Variants in TSHZ2 observed in about 807,000 individuals in gnomAD.
The protein encoded by TSHZ2 is teashirt zinc finger homeobox 2.
A neutral mutation model predicts 74.4 loss-of-function variants in TSHZ2; 21 were observed. The observed-to-expected ratio is 0.28, with a 90% confidence interval of 0.20 to 0.41. TSHZ2 has a LOEUF of 0.41. TSHZ2 is among the 10% of genes least tolerant of loss of function. The pLI is 1.00. For missense variants in TSHZ2, 1,244 were observed against 1,293.5 expected (o/e 0.96, Z 0.59); for synonymous variants, 540 against 515.3 (o/e 1.05, Z -0.65).
intron 1 of TSHZ2, among the ~76,000 whole-genome samples, chr20:53,061,376 A>G (rs966152262): frequency 1.3e-5 from 2 of 152,192 alleles, no homozygotes; most frequent in Admixed American, 1.3e-4. Context: ...AATGCATTTG[A>G]ACTTCTGCCC....
At chr20:53,057,794 G>T (rs1984690703) in intron 1 of TSHZ2, among the ~76,000 whole-genome samples, 1 of 152,208 alleles carries the variant, frequency 6.6e-6, no homozygotes. Context: ...TGAGGTGCAG[G>T]TAAGCACGTG....
chr20:53,297,760 T>G lies in TSHZ2; in HGVS notation c.*8+41189T>G, dbSNP rs542355361. On this transcript the variant is annotated intron_variant, in intron 2 of 2. Coordinates refer to ENST00000371497, the MANE Select transcript of TSHZ2 (RefSeq NM_173485.6). Reference sequence around the variant, plus strand: ...CTTGTGTATACAATGGAGAAAGTAATAGTAACACTTCTAAGGCTGCTTGAG... The same window carrying G: ...CTTGTGTATACAATGGAGAAAGTAAGAGTAACACTTCTAAGGCTGCTTGAG... Among the ~76,000 whole-genome samples, 5 of 152,346 alleles carry G rather than the reference T, an allele frequency of 3.3e-5. No homozygotes were observed. The East Asian group carries it at 9.6e-4, about 29-fold the overall frequency.
chr20:53,453,288 A>G (rs1161977721), intron 2 of TSHZ2, among the ~76,000 whole-genome samples: 1 of 152,238 alleles, frequency 6.6e-6, no homozygotes, highest in Non-Finnish European at 1.5e-5. Flanking sequence ...GGCCTGTACA[A>G]TGAACAATTT....
intron 2 of TSHZ2, among the ~76,000 whole-genome samples, chr20:53,459,503 C>CT (rs774451927): frequency 8.9e-4 from 131 of 146,414 alleles, no homozygotes; most frequent in Non-Finnish European, 1.5e-3. Context: ...GGTCTTGACT[C>CT]TTTATCCAAT....
intron 1 of TSHZ2, among the ~76,000 whole-genome samples, chr20:53,157,559 A>G (rs1987827122): frequency 6.6e-6 from 1 of 152,064 alleles, no homozygotes; most frequent in Non-Finnish European, 1.5e-5. Flanking sequence ...GGTGCGCACT[A>G]CCATGCCACG....
chr20:53,042,504 CTAT>C (rs536686700), intron 1 of TSHZ2, among the ~76,000 whole-genome samples: 1 of 151,946 alleles, frequency 6.6e-6, no homozygotes, highest in African/African-American at 2.4e-5. Flanking sequence ...AGAGGCAGTA[CTAT>C]TATTGTTATT....
chr20:53,421,977 G>A (rs562232071), intron 2 of TSHZ2, among the ~76,000 whole-genome samples: 9 of 152,052 alleles, frequency 5.9e-5, no homozygotes, highest in South Asian at 2.1e-4. Flanking sequence ...CACCGCACCC[G>A]GCCTATCTTA....
intron 1 of TSHZ2, among the ~76,000 whole-genome samples, chr20:53,007,881 T>C (rs541213986): frequency 6.6e-6 from 1 of 152,200 alleles, no homozygotes; most frequent in South Asian, 2.1e-4. Context: ...TAAAAAATAA[T>C]AATACAACAC....
intron 1 of TSHZ2, among the ~76,000 whole-genome samples, chr20:53,063,630 T>C (rs1478388315): frequency 6.6e-6 from 1 of 152,162 alleles, no homozygotes; most frequent in Non-Finnish European, 1.5e-5. Context: ...TTTTCTTAAG[T>C]GAATTGTAAG....
chr20:53,356,502 C>G (rs900607639), intron 2 of TSHZ2, among the ~76,000 whole-genome samples: 6 of 152,142 alleles, frequency 3.9e-5, no homozygotes, highest in Non-Finnish European at 8.8e-5. Flanking sequence ...AATAAAGAGA[C>G]CTCACATTTT....
At chr20:53,038,842 G>A (rs1983919830) in intron 1 of TSHZ2, among the ~76,000 whole-genome samples, 1 of 144,882 alleles carries the variant, frequency 6.9e-6, no homozygotes, top group Non-Finnish European at 1.5e-5. Flanking sequence ...CTGGGTCCAA[G>A]GGCCTTTTCA....
chr20:53,483,536 C>A (rs1384775520), intron 2 of TSHZ2, among the ~76,000 whole-genome samples: 1 of 151,902 alleles, frequency 6.6e-6, no homozygotes, highest in Non-Finnish European at 1.5e-5. Context: ...CCAAACAAAA[C>A]AAAACAAATT....
chr20:53,072,779 C>T (rs1389333652), intron 1 of TSHZ2, among the ~76,000 whole-genome samples: 5 of 152,166 alleles, frequency 3.3e-5, no homozygotes, highest in Non-Finnish European at 5.9e-5. Flanking sequence ...TGGACATTTC[C>T]TTACTGTTTA....
rs149704795 is a variant in TSHZ2, at chr20:53,429,931, G to C, written c.*9-57213G>C. Among the ~76,000 whole-genome samples, 447 of 152,288 alleles carry C rather than the reference G, an allele frequency of 2.9e-3. 1 individual carries two copies. The highest frequency in any genetic ancestry group is 0.011 in the African/African-American group (437 of 41,556). On this transcript the variant is annotated intron_variant, in intron 2 of 2. Transcript: ENST00000371497. ...GTCCCACACATTGCAGGATGTAGCA[G>C]TATCCTTGGTCCTCATCTGCTGGAT...
At chr20:53,127,025 AAAGAAG>A (rs563382859) in intron 1 of TSHZ2, among the ~76,000 whole-genome samples, 3 of 152,192 alleles carry the variant, frequency 2.0e-5, no homozygotes, top group Admixed American at 2.0e-4. Flanking sequence ...AGGTAAAAAA[AAAGAAG>A]AAGAGGAAGA....
intron 1 of TSHZ2, among the ~76,000 whole-genome samples, chr20:53,050,109 A>ATATATATATATACATATATATATGTG: frequency 1.0e-5 from 1 of 95,524 alleles, no homozygotes; most frequent in South Asian, 3.2e-4. Flanking sequence ...GTGTGTATAT[A>ATATATATATATACATATATATATGTG]TATATATATA....
intron 2 of TSHZ2, among the ~76,000 whole-genome samples, chr20:53,341,813 C>T (rs1275503156): frequency 1.3e-5 from 2 of 152,038 alleles, no homozygotes; most frequent in African/African-American, 4.8e-5. Flanking sequence ...CGGGTTCAAG[C>T]GATTCTCCTG....
rs532078928 is a variant in TSHZ2, at chr20:53,038,860, T to G, written c.40+65527T>G. Among the ~76,000 whole-genome samples, 37 of 39,464 alleles carry G rather than the reference T, an allele frequency of 9.4e-4. No homozygotes were observed. The South Asian group carries it at 0.018, about 19-fold the overall frequency. 25.9% of individuals were successfully genotyped at this position (39,464 alleles called of 152,430 possible). A position where few individuals can be genotyped will look rare whatever the true frequency, so the allele number is the denominator to read the frequency against. ...GGTCCAAGGGCCTTTTCACTTCTTG[T>G]TTTTTTTTTGTTTGTTTGTTTTGTT... On this transcript the variant is annotated intron_variant, in intron 1 of 2. Transcript: ENST00000371497.
intron 2 of TSHZ2, among the ~76,000 whole-genome samples, chr20:53,444,322 T>G (rs1984465583): frequency 6.6e-6 from 1 of 152,156 alleles, no homozygotes; most frequent in Admixed American, 6.5e-5. Flanking sequence ...CGGCTCCATC[T>G]CAACTCCACG....
Sources: allele counts gnomAD v4.1 joint callset (sites outside exome capture counted in the v4.1 genomes callset), GRCh38; gene constraint gnomAD v4.1.1; transcripts MANE v1.5; gene names NCBI Gene and HGNC (gene_info 2026-07-23, HGNC 2026-07-21).